Variants in DCC observed in about 807,000 individuals in gnomAD.
DCC encodes netrin receptor DCC.
DCC carries 58 observed loss-of-function variants against 172.5 expected under a neutral mutation model. The observed-to-expected ratio is 0.34, with a 90% CI of 0.27 to 0.42. The LOEUF (loss-of-function observed/expected upper bound fraction) is 0.42, where lower values mean the gene tolerates loss of function less well. DCC is among the 10% of genes least tolerant of loss of function. The probability of loss-of-function intolerance (pLI) is 1.00; values close to 1 mark genes in which losing one functional copy is unlikely to be tolerated. For synonymous variants in DCC, 709 were observed against 644.5 expected, an observed-to-expected ratio of 1.10 and a Z score of -1.52; for missense variants, 1,740 against 1,791.0, an observed-to-expected ratio of 0.97 and a Z score of 0.51.
intron 1 of DCC, among the ~76,000 whole-genome samples, chr18:52,396,274 G>C (rs1001996259): frequency 3.5e-5 from 5 of 143,398 alleles, no homozygotes; most frequent in Non-Finnish European, 7.6e-5. Context: ...GGAAAAACCT[G>C]CACCACACCC....
chr18:53,382,974 T>C (rs1245144915), intron 15 of DCC, among the ~76,000 whole-genome samples: 1 of 152,122 alleles, frequency 6.6e-6, no homozygotes, highest in Non-Finnish European at 1.5e-5. Context: ...TAAGGCTTTT[T>C]TATTTTGATA....
At chr18:52,467,450 A>G (rs1006517052) in intron 1 of DCC, among the ~76,000 whole-genome samples, 1 of 152,134 alleles carries the variant, frequency 6.6e-6, no homozygotes, top group African/African-American at 2.4e-5. Flanking sequence ...TCTATCATTG[A>G]TGGACATTTG....
chr18:52,706,081 G>A (rs1044476609), intron 1 of DCC, among the ~76,000 whole-genome samples: 47 of 152,258 alleles, frequency 3.1e-4, no homozygotes, highest in African/African-American at 1.1e-3. Context: ...TGGAAATCAC[G>A]TCTGATCCCA....
chr18:53,497,592 T>C (rs1012781412), intron 26 of DCC, among the ~76,000 whole-genome samples: 7 of 152,224 alleles, frequency 4.6e-5, no homozygotes, highest in African/African-American at 1.7e-4. Flanking sequence ...ACCTGAGTAA[T>C]TTTCATTGTC....
At chr18:52,752,470 C>T in intron 2 of DCC, 96 bp downstream of exon 2, 1 of 950,146 alleles carries the variant, frequency 1.1e-6, no homozygotes, top group Middle Eastern at 2.2e-4. Flanking sequence ...AAATAATGTA[C>T]ATTTTAAAAA....
chr18:52,499,600 G>C (rs2030942638), intron 1 of DCC, among the ~76,000 whole-genome samples: 1 of 151,920 alleles, frequency 6.6e-6, no homozygotes, highest in Non-Finnish European at 1.5e-5. Flanking sequence ...TTAACATGAG[G>C]TCCTTGCTTA....
chr18:53,311,024 A>G (rs1280444892), intron 13 of DCC, among the ~76,000 whole-genome samples: 3 of 152,086 alleles, frequency 2.0e-5, no homozygotes, highest in Non-Finnish European at 4.4e-5. Flanking sequence ...ACACATTGAG[A>G]TTGAACTTTA....
intron 2 of DCC, among the ~76,000 whole-genome samples, chr18:52,880,482 G>A (rs762348043): frequency 2.6e-4 from 40 of 152,100 alleles, no homozygotes; most frequent in Admixed American, 2.0e-4. Context: ...TTTGTATCCC[G>A]TAACCATCCC....
intron 1 of DCC, among the ~76,000 whole-genome samples, chr18:52,487,857 C>T (rs1598857053): frequency 1.3e-5 from 2 of 148,642 alleles, no homozygotes; most frequent in South Asian, 2.2e-4. Context: ...CACACTAATG[C>T]CCACTGTAGC....
intron 12 of DCC, among the ~76,000 whole-genome samples, chr18:53,218,677 A>G (rs2055888347): frequency 6.6e-6 from 1 of 152,134 alleles, no homozygotes; most frequent in African/African-American, 2.4e-5. Flanking sequence ...TTCTCATACT[A>G]AAATTTTGTT....
intron 2 of DCC, among the ~76,000 whole-genome samples, chr18:52,898,565 C>A (rs965555216): frequency 2.0e-5 from 3 of 152,150 alleles, no homozygotes; most frequent in Non-Finnish European, 4.4e-5. Context: ...GTCGTCTATG[C>A]AGTGTGTGTA....
chr18:53,364,611 G>T (rs940390200), intron 15 of DCC, among the ~76,000 whole-genome samples: 1 of 152,020 alleles, frequency 6.6e-6, no homozygotes, highest in African/African-American at 2.4e-5. Flanking sequence ...AAATAAATGG[G>T]TAAATGGGGA....
intron 12 of DCC, among the ~76,000 whole-genome samples, chr18:53,294,865 G>C (rs889826184): frequency 2.0e-5 from 3 of 152,136 alleles, no homozygotes; most frequent in African/African-American, 4.8e-5. Context: ...GCACTTTTAC[G>C]AGAACCAGGG....
At chr18:52,812,219 C>A (rs1003921201) in intron 2 of DCC, among the ~76,000 whole-genome samples, 1 of 152,110 alleles carries the variant, frequency 6.6e-6, no homozygotes, top group African/African-American at 2.4e-5. Context: ...CCTCAGCTAC[C>A]CTTTCTGATA....
intron 15 of DCC, among the ~76,000 whole-genome samples, chr18:53,377,975 T>A (rs1262668347): frequency 6.6e-6 from 1 of 152,162 alleles, no homozygotes; most frequent in Non-Finnish European, 1.5e-5. Context: ...AATTAATTAA[T>A]TTATTTTTTT....
chr18:52,432,394 G>C (rs1444067051), intron 1 of DCC, among the ~76,000 whole-genome samples: 1 of 152,124 alleles, frequency 6.6e-6, no homozygotes, highest in Non-Finnish European at 1.5e-5. Flanking sequence ...TTTGATGTAT[G>C]TTATATTCCT....
At chr18:52,941,502 G>GTATA (rs1555684832) in intron 5 of DCC, among the ~76,000 whole-genome samples, 100 of 148,962 alleles carry the variant, frequency 6.7e-4, no homozygotes, top group African/African-American at 1.9e-3. Context: ...GTGTGTGTGT[G>GTATA]TATATATATA....
At chr18:52,654,649 G>A (rs940967507) in intron 1 of DCC, among the ~76,000 whole-genome samples, 1 of 152,018 alleles carries the variant, frequency 6.6e-6, no homozygotes, top group Non-Finnish European at 1.5e-5. Context: ...AAAAGTTAAG[G>A]GCTTTGCTTT....
At chr18:52,906,854 TG>T (rs2039890973) in intron 3 of DCC, among the ~76,000 whole-genome samples, 2 of 34,368 alleles carry the variant, frequency 5.8e-5, no homozygotes, top group African/African-American at 1.3e-4. Flanking sequence ...TTTACAGGGC[TG>T]TTTTTTTTTA....
Sources: gnomAD v4.1 joint callset for allele counts (sites outside exome capture counted in the v4.1 genomes callset) on GRCh38, gnomAD v4.1.1 for gene constraint, MANE v1.5 for transcripts, NCBI Gene and HGNC (gene_info 2026-07-23, HGNC 2026-07-21) for gene names.